AGBL4: variants seen among roughly 807,000 people sequenced by gnomAD.
AGBL4 encodes the protein cytosolic carboxypeptidase 6.
A neutral mutation model predicts 66.4 loss-of-function variants in AGBL4; 58 were observed. The observed-to-expected ratio is 0.87, with a 90% confidence interval of 0.71 to 1.09. The LOEUF (loss-of-function observed/expected upper bound fraction) is 1.09, where lower values mean the gene tolerates loss of function less well. AGBL4 is among the 50% of genes least tolerant of loss of function. The pLI is 0.00. For missense variants in AGBL4, 579 were observed against 631.0 expected, an observed-to-expected ratio of 0.92 and a Z score of 0.88; for synonymous variants, 234 against 222.9, an observed-to-expected ratio of 1.05 and a Z score of -0.44.
At chr1:48,861,225 A>T (rs2148818444) in intron 6 of AGBL4, among the ~76,000 whole-genome samples, 1 of 152,318 alleles carries the variant, frequency 6.6e-6, no homozygotes, top group East Asian at 1.9e-4. Flanking sequence ...AGACAAAAAT[A>T]ATAAAAGTTA....
At chr1:48,952,005 C>A (rs557322402) in intron 5 of AGBL4, among the ~76,000 whole-genome samples, 1 of 152,308 alleles carries the variant, frequency 6.6e-6, no homozygotes, top group South Asian at 2.1e-4. Flanking sequence ...GAAGAAATCT[C>A]AAGCTGAAGC....
At chr1:49,269,828 T>G (rs1644015429) in intron 3 of AGBL4, among the ~76,000 whole-genome samples, 1 of 152,230 alleles carries the variant, frequency 6.6e-6, no homozygotes, top group South Asian at 2.1e-4. Flanking sequence ...CTCTGATTAA[T>G]CTGCCTTTTG....
chr1:48,861,711 T>C (rs899742916), intron 6 of AGBL4, among the ~76,000 whole-genome samples: 1 of 152,202 alleles, frequency 6.6e-6, no homozygotes, highest in South Asian at 2.1e-4. Context: ...CTATCATCTA[T>C]AAGTCTTGGT....
chr1:49,367,628 C>T (rs961647052), intron 3 of AGBL4, among the ~76,000 whole-genome samples: 25 of 152,190 alleles, frequency 1.6e-4, no homozygotes, highest in African/African-American at 6.0e-4. Flanking sequence ...AAAGATCCCA[C>T]CATCGTGTGC....
intron 3 of AGBL4, among the ~76,000 whole-genome samples, chr1:49,297,966 C>T (rs1172665243): frequency 6.6e-6 from 1 of 152,142 alleles, no homozygotes; most frequent in East Asian, 1.9e-4. Context: ...CCATCTGGAT[C>T]CGCCCCCAAC....
intron 6 of AGBL4, among the ~76,000 whole-genome samples, chr1:48,687,530 C>T (rs1002323445): frequency 6.6e-6 from 1 of 152,198 alleles, no homozygotes; most frequent in Admixed American, 6.5e-5. Context: ...AGGGGAGAGG[C>T]CATCCATGCA....
chr1:49,319,090 ATATG>A (rs1557835749), intron 3 of AGBL4, among the ~76,000 whole-genome samples: 1 of 152,208 alleles, frequency 6.6e-6, no homozygotes, highest in Non-Finnish European at 1.5e-5. Flanking sequence ...TATTTATGAA[ATATG>A]TATGTACAAT....
chr1:49,474,385 T>C (rs72684897), intron 3 of AGBL4, among the ~76,000 whole-genome samples: 6 of 152,068 alleles, frequency 3.9e-5, no homozygotes, highest in Non-Finnish European at 7.4e-5. Context: ...TGTGTGTAAA[T>C]TGTAAATGGG....
At chr1:49,245,310 A>T (rs1367336874) in intron 4 of AGBL4, among the ~76,000 whole-genome samples, 8 of 150,742 alleles carry the variant, frequency 5.3e-5, no homozygotes, top group South Asian at 4.2e-4. Flanking sequence ...CACAAAAACC[A>T]TGCAAAGCAA....
At chr1:48,906,001 C>T (rs2148874936) in intron 5 of AGBL4, among the ~76,000 whole-genome samples, 1 of 152,198 alleles carries the variant, frequency 6.6e-6, no homozygotes, top group South Asian at 2.1e-4. Context: ...ATGAAGGAAA[C>T]AGACAATAAC....
chr1:49,326,845 A>C (rs1223020389), intron 3 of AGBL4, among the ~76,000 whole-genome samples: 1 of 152,234 alleles, frequency 6.6e-6, no homozygotes, highest in Non-Finnish European at 1.5e-5. Flanking sequence ...GTAATGGCTT[A>C]AAACAACCCA....
chr1:49,668,509 C>T (rs1477493550), intron 3 of AGBL4, among the ~76,000 whole-genome samples: 2 of 152,152 alleles, frequency 1.3e-5, no homozygotes, highest in Non-Finnish European at 2.9e-5. Context: ...AATAGGTTCA[C>T]ATACATTTGT....
intron 2 of AGBL4, among the ~76,000 whole-genome samples, chr1:49,726,431 A>G (rs924579474): frequency 6.6e-6 from 1 of 152,216 alleles, no homozygotes; most frequent in African/African-American, 2.4e-5. Context: ...GTTTAGAATT[A>G]TGGCTCAATA....
At chr1:48,899,263 T>C (rs1053774104) in intron 5 of AGBL4, among the ~76,000 whole-genome samples, 3 of 152,240 alleles carry the variant, frequency 2.0e-5, no homozygotes, top group Non-Finnish European at 4.4e-5. Flanking sequence ...TTTTATTTTC[T>C]AACATGATCA....
At chr1:49,111,165 G>A (rs1264475133) in intron 4 of AGBL4, among the ~76,000 whole-genome samples, 1 of 147,122 alleles carries the variant, frequency 6.8e-6, no homozygotes, top group Non-Finnish European at 1.5e-5. Flanking sequence ...CCAGGTTGGA[G>A]TGCAGTGGCG....
intron 3 of AGBL4, among the ~76,000 whole-genome samples, chr1:49,677,133 A>C (rs1396999115): frequency 6.6e-6 from 1 of 152,072 alleles, no homozygotes; most frequent in Admixed American, 6.6e-5. Context: ...TTCTCCTGAC[A>C]TACGCACATT....
At chr1:49,068,271 T>A (rs1034685353) in intron 4 of AGBL4, among the ~76,000 whole-genome samples, 1 of 151,918 alleles carries the variant, frequency 6.6e-6, no homozygotes, top group Admixed American at 6.6e-5. Context: ...GGGGTACATG[T>A]GCACAACGTG....
intron 3 of AGBL4, among the ~76,000 whole-genome samples, chr1:49,615,740 T>C (rs926382522): frequency 1.3e-5 from 2 of 152,152 alleles, no homozygotes; most frequent in Non-Finnish European, 2.9e-5. Flanking sequence ...TCAATCAGAA[T>C]CCTTTTGTAG....
chr1:48,649,545 A>T (rs1645893489), intron 8 of AGBL4, among the ~76,000 whole-genome samples: 1 of 152,206 alleles, frequency 6.6e-6, no homozygotes, highest in Non-Finnish European at 1.5e-5. Flanking sequence ...GTCTGGTATC[A>T]TATACAGTAG....
Sources: gnomAD v4.1 joint callset for allele counts (sites outside exome capture counted in the v4.1 genomes callset) on GRCh38, gnomAD v4.1.1 for gene constraint, MANE v1.5 for transcripts, NCBI Gene and HGNC (gene_info 2026-07-23, HGNC 2026-07-21) for gene names.